MASTL: variants seen among roughly 807,000 people sequenced by gnomAD.
MASTL encodes serine/threonine-protein kinase greatwall.
MASTL carries 54 observed loss-of-function variants against 82.5 expected under a neutral mutation model. The observed-to-expected ratio is 0.65, with a 90% CI of 0.53 to 0.82. MASTL has a LOEUF of 0.82. Among genes scored for constraint, MASTL ranks in the 40% least tolerant of loss-of-function variants. MASTL has a pLI of 0.00. For synonymous variants in MASTL, 323 were observed against 368.9 expected, an observed-to-expected ratio of 0.88 and a Z score of 1.43; for missense variants, 950 against 1,047.8, an observed-to-expected ratio of 0.91 and a Z score of 1.29.
chr10:27,165,218 C>T, intron 5 of MASTL, 48 bp downstream of exon 5: 1 of 1,422,286 alleles, frequency 7.0e-7, no homozygotes, highest in Non-Finnish European at 9.9e-7. Flanking sequence ...TTCATGATCA[C>T]CACTTAAAAT....
Position 27,158,602 on chromosome 10 carries a change from TGA to T in MASTL, c.247_248del (p.Asp83CysfsTer46). The stretch of plus-strand genomic sequence containing the variant: ...AAAATATGACTCATCAGGTCCAAGC[TGA>T]GAGAGATGCACTGGCACTAAGCAAA... ...NKNMTHQVQA[E>X]RDALALSKSP... On this transcript the variant is annotated frameshift_variant, in exon 2 of 12. Transcript: ENST00000375940. LOFTEE classifies it high-confidence loss of function. 6.2e-7 allele frequency: 1 copy of T among 1,612,668 alleles called. No individual in the cohort carries two copies. The highest frequency in any genetic ancestry group is 1.7e-5 in the Admixed American group (1 of 60,020).
intron 11 of MASTL, among the ~76,000 whole-genome samples, chr10:27,184,495 C>T (rs2058526381): frequency 6.8e-6 from 1 of 147,508 alleles, no homozygotes. Flanking sequence ...ATGTGAGTGT[C>T]TGAATGCAAC....
At chr10:27,182,220 C>T (rs2058360139) in intron 11 of MASTL, among the ~76,000 whole-genome samples, 1 of 148,106 alleles carries the variant, frequency 6.8e-6, no homozygotes, top group Non-Finnish European at 1.5e-5. Flanking sequence ...CACTGCACTC[C>T]AGCCTGGGCG....
chr10:27,161,473 C>T (rs2057570249), intron 4 of MASTL, among the ~76,000 whole-genome samples: 1 of 150,988 alleles, frequency 6.6e-6, no homozygotes, highest in Non-Finnish European at 1.5e-5. Flanking sequence ...CCCGCCATTG[C>T]ACTCCAGACT....
At chr10:27,169,424 G>A (rs553010195) in intron 7 of MASTL, among the ~76,000 whole-genome samples, 1 of 152,092 alleles carries the variant, frequency 6.6e-6, no homozygotes, top group African/African-American at 2.4e-5. Flanking sequence ...GCAAAAATTA[G>A]CCAGGTGTGG....
rs757107330 is a variant in MASTL at position 27,155,381 on chromosome 10, C to A, written c.-46C>A. 6.5e-7 allele frequency: 1 copy of A among 1,543,798 alleles called. No homozygotes were observed. Among genetic ancestry groups the A allele is most frequent in the African/African-American group, 1.4e-5 (1 of 73,212 alleles). On this transcript the variant is annotated 5_prime_UTR_variant, in exon 1 of 12. Coordinates refer to ENST00000375940, the MANE Select transcript of MASTL (RefSeq NM_001172303.3). ...TGAACCCAGTTGGCGGGAGTGGCTG[C>A]TCGCGGAGGGGCAGTGTCTGCGGGG...
chr10:27,173,380 T>C, intron 9 of MASTL, 121 bp downstream of exon 9: 1 of 1,064,338 alleles, frequency 9.4e-7, no homozygotes, highest in Non-Finnish European at 1.4e-6. Flanking sequence ...AATGAACTCA[T>C]CTAGTATATA....
At position 27,170,627 on chromosome 10, in the gene MASTL, T is replaced by A. The variant is rs1353770315; in HGVS notation, c.1668T>A (p.Ser556=). The A allele has an allele frequency of 6.8e-6, 11 of 1,606,838 alleles. No individual in the cohort carries two copies. The highest frequency in any genetic ancestry group is 8.5e-6 in the Non-Finnish European group (10 of 1,177,446). Residue 556 remains serine (S), a synonymous_variant, in exon 8 of 12, where the codon TCT becomes TCA. Transcript: ENST00000375940. The part of the protein sequence containing the change: ...RDYLSSSFLC[S]DDDRASKNIS... ...ACTTAAGTTCTAGTTTTCTATGTTCTGATGATGATAGAGCTTCTAAAAATA... is the reference window on the plus strand; with the variant it reads ...ACTTAAGTTCTAGTTTTCTATGTTCAGATGATGATAGAGCTTCTAAAAATA...
intron 11 of MASTL, among the ~76,000 whole-genome samples, chr10:27,183,863 T>C (rs1352581080): frequency 6.6e-6 from 1 of 151,950 alleles, no homozygotes; most frequent in African/African-American, 2.4e-5. Flanking sequence ...TGGTGCACAC[T>C]ACCACACCCA....
intron 8 of MASTL, among the ~76,000 whole-genome samples, chr10:27,171,847 T>TTTTTTTTTA (rs2057955654): frequency 7.1e-6 from 1 of 141,194 alleles, no homozygotes; most frequent in African/African-American, 2.8e-5. Flanking sequence ...TTTTTTTTTT[T>TTTTTTTTTA]GAGACAAAGT....
At chr10:27,163,865 C>T (rs764940196) in intron 4 of MASTL, among the ~76,000 whole-genome samples, 19 of 152,138 alleles carry the variant, frequency 1.2e-4, no homozygotes, top group African/African-American at 2.2e-4. Flanking sequence ...CTCCTGACCT[C>T]GTGATCCACC....
rs750571240 is a variant in MASTL, at chr10:27,170,545, C to G, written c.1586C>G (p.Ala529Gly). The G allele has an allele frequency of 6.2e-7, 1 of 1,613,200 alleles. No individual in the cohort carries two copies. The highest frequency in any genetic ancestry group is 2.2e-5 in the East Asian group (1 of 44,834). ...GAAAAATTACCTATACCAATGATAG[C>G]AAAAAACCTTATGTGTGAACTCGAT... is the stretch of plus-strand genomic sequence containing the variant. ...TPEKLPIPMI[A>G]KNLMCELDED... Residue 529 changes from alanine to glycine, a missense_variant, in exon 8 of 12, where the codon GCA (alanine) becomes GGA (glycine). Ala to Gly is a moderately conservative substitution (Grantham distance 60). Transcript: ENST00000375940.
rs140221131 is a variant in MASTL at position 27,176,244 on chromosome 10, T to A, written c.2266+2985T>A. Among the ~76,000 whole-genome samples, 264 of 152,300 alleles carry A rather than the reference T, an allele frequency of 1.7e-3. 1 individual carries two copies. The highest frequency in any genetic ancestry group is 5.9e-3 in the African/African-American group (247 of 41,576). On this transcript the variant is annotated intron_variant, in intron 9 of 11. Transcript: ENST00000375940. ...CCAGCCAATTAGATCTCTGCAGCATTTCACCTCTCATTTTCTTCTCTGCCA... is the reference window on the plus strand; with the variant it reads ...CCAGCCAATTAGATCTCTGCAGCATATCACCTCTCATTTTCTTCTCTGCCA...
intron 4 of MASTL, among the ~76,000 whole-genome samples, chr10:27,164,229 T>G (rs1176686282): frequency 2.0e-5 from 3 of 152,176 alleles, no homozygotes; most frequent in Non-Finnish European, 2.9e-5. Context: ...ACTGTAGCCT[T>G]GAACTCCTGG....
In MASTL at chr10:27,161,196, C is replaced by G; in HGVS notation, c.553+14C>G. 1 of 1,437,634 alleles carries G rather than the reference C, an allele frequency of 7.0e-7. No individual in the cohort carries two copies. Among genetic ancestry groups the G allele is most frequent in the Non-Finnish European group, 9.8e-7 (1 of 1,019,992 alleles). The allele number at this position is 1,437,634 out of a possible 1,614,324, so 89.1% of individuals were successfully genotyped here. ...CTTTGAATAGAGGTAAGAAAAATAT[C>G]AAGTAAGTACTTTTTTAAAACATCC... is the stretch of plus-strand genomic sequence containing the variant. On this transcript the variant is annotated intron_variant, in intron 4 of 11. Coordinates refer to ENST00000375940, the MANE Select transcript of MASTL (RefSeq NM_001172303.3).
At position 27,171,077 on chromosome 10, in the gene MASTL, A is replaced by G. The variant is rs1410446417; in HGVS notation, c.2118A>G (p.Pro706=). The G allele has an allele frequency of 1.2e-6, 2 of 1,612,856 alleles. No individual in the cohort carries two copies. Among genetic ancestry groups the G allele is most frequent in the African/African-American group, 2.7e-5 (2 of 74,914 alleles). ...TPTQKRRSCM[P]HQQTPNQIKS... Reference sequence around the variant, plus strand: ...CTCAAAAAAGAAGATCCTGTATGCCACATCAGGTATATTTATAACTTTCTA... The same window carrying G: ...CTCAAAAAAGAAGATCCTGTATGCCGCATCAGGTATATTTATAACTTTCTA... The change falls in exon 8 of 12, where the codon CCA becomes CCG. Residue 706 remains proline (P), a synonymous_variant. Coordinates refer to ENST00000375940, the MANE Select transcript of MASTL (RefSeq NM_001172303.3).
At chr10:27,178,395 C>A (rs1308259650) in intron 9 of MASTL, among the ~76,000 whole-genome samples, 446 of 130,902 alleles carry the variant, frequency 3.4e-3, no homozygotes, top group Middle Eastern at 3.9e-3. Flanking sequence ...GACTCCATCT[C>A]AAAAAAAAAA....
intron 9 of MASTL, 98 bp from the exon 10 acceptor site, chr10:27,180,855 C>T: frequency 1.2e-6 from 1 of 830,082 alleles, no homozygotes; most frequent in Non-Finnish European, 2.1e-6. Context: ...ACCAGCCTAA[C>T]TCGTTTTCCC....
At chr10:27,177,047 C>G (rs1022307541) in intron 9 of MASTL, among the ~76,000 whole-genome samples, 1 of 151,838 alleles carries the variant, frequency 6.6e-6, no homozygotes, top group African/African-American at 2.4e-5. Context: ...GTTTCACCAT[C>G]ATGGCCAGGC....
Sources: allele counts gnomAD v4.1 joint callset (sites outside exome capture counted in the v4.1 genomes callset), GRCh38; gene constraint gnomAD v4.1.1; transcripts MANE v1.5; gene names NCBI Gene and HGNC (gene_info 2026-07-23, HGNC 2026-07-21).